Variants in FOCAD observed in about 807,000 individuals in gnomAD.
The protein encoded by FOCAD is focadhesin, also known as KIAA1797.
A neutral mutation model predicts 225.6 loss-of-function variants in FOCAD; 198 were observed. The ratio of observed to expected loss-of-function variants is 0.88; its 90% CI spans 0.78 to 0.99. FOCAD has a LOEUF of 0.99. FOCAD is among the 50% of genes least tolerant of loss of function. The probability of loss-of-function intolerance (pLI) is 0.00; values close to 1 mark genes in which losing one functional copy is unlikely to be tolerated. For missense variants in FOCAD, 2,713 were observed against 2,123.6 expected (o/e 1.28, Z -5.46); for synonymous variants, 897 against 755.0 (o/e 1.19, Z -3.08).
chr9:20,948,338 C>T lies in FOCAD; in HGVS notation c.3743C>T (p.Ala1248Val), dbSNP rs750684916. Residue 1248 changes from alanine (A) to valine (V), a missense_variant, in exon 31 of 44, where the codon GCT (alanine) becomes GTT (valine). Coordinates refer to ENST00000338382, the MANE Select transcript of FOCAD (RefSeq NM_001375567.1). Reference sequence around the variant, plus strand: ...TTGTCTGTGTGTGGACATGGAAAAGCTGAAGACTTGGGCAGCAAACTACTC... The same window carrying T: ...TTGTCTGTGTGTGGACATGGAAAAGTTGAAGACTTGGGCAGCAAACTACTC... ...HGLSVCGHGK[A>V]EDLGSKLLPA... 1 of 1,612,626 alleles carries T rather than the reference C, an allele frequency of 6.2e-7. No homozygotes were observed. The highest frequency in any genetic ancestry group is 1.1e-5 in the South Asian group (1 of 91,038).
At chr9:20,835,002 A>T (rs1484348171) in intron 15 of FOCAD, among the ~76,000 whole-genome samples, 1 of 152,126 alleles carries the variant, frequency 6.6e-6, no homozygotes, top group African/African-American at 2.4e-5. Context: ...TACTTTTCAG[A>T]TGTAGTTACT....
intron 2 of FOCAD, among the ~76,000 whole-genome samples, chr9:20,669,923 A>G (rs1431382713): frequency 6.6e-6 from 1 of 152,254 alleles, no homozygotes; most frequent in African/African-American, 2.4e-5. Context: ...ATACTCATGA[A>G]GCCCAGATTC....
In FOCAD at chr9:20,720,466, C is replaced by T. The variant is rs771913912; in HGVS notation, c.219C>T (p.Leu73=). ...CCTGCTGTGAAGGTCTGGTGGCACT[C>T]GTTGCTCAGGATCATGCAGAGTTCA... is the stretch of plus-strand genomic sequence containing the variant. ...RTACCEGLVA[L]VAQDHAEFSY... Residue 73 remains leucine, a synonymous_variant, in exon 4 of 44, where the codon CTC becomes CTT. Transcript: ENST00000338382. 17 of 1,613,906 alleles carry T rather than the reference C, an allele frequency of 1.1e-5. No homozygotes were observed. The highest frequency in any genetic ancestry group is 1.6e-4 in the Middle Eastern group (1 of 6,084).
At chr9:20,990,753 G>C (rs186575945) in intron 42 of FOCAD, among the ~76,000 whole-genome samples, 1 of 152,334 alleles carries the variant, frequency 6.6e-6, no homozygotes, top group East Asian at 1.9e-4. Flanking sequence ...TGATAAGTAA[G>C]ATACAGTGGT....
intron 21 of FOCAD, among the ~76,000 whole-genome samples, chr9:20,891,160 A>G (rs968728935): frequency 6.6e-6 from 1 of 152,198 alleles, no homozygotes; most frequent in Non-Finnish European, 1.5e-5. Context: ...CCCACATAGC[A>G]CCATGAACTT....
intron 15 of FOCAD, among the ~76,000 whole-genome samples, chr9:20,842,370 T>C (rs1404141535): frequency 6.6e-6 from 1 of 151,966 alleles, no homozygotes; most frequent in Admixed American, 6.6e-5. Context: ...TGTCTTGGGG[T>C]CTGTTTCTCA....
chr9:20,866,917 T>TTTTTTTAACAAAAA lies in FOCAD; in HGVS notation c.2107-12_2107-11insTTTTTTAACAAAAA. ...TTTTTTTTTTTTTTTTTTTTTTTTTTACCCTATCTAGGACCCAATTGTAGC... is the reference window on the plus strand; with the variant it reads ...TTTTTTTTTTTTTTTTTTTTTTTTTTTTTTTTAACAAAAAACCCTATCTAGGACCCAATTGTAGC... On this transcript the variant is annotated splice_polypyrimidine_tract_variant and intron_variant, in intron 17 of 43. Coordinates refer to ENST00000338382, the MANE Select transcript of FOCAD (RefSeq NM_001375567.1). 1.3e-6 allele frequency: 1 copy of TTTTTTTAACAAAAA among 764,972 alleles called. No homozygotes were observed. Among genetic ancestry groups the TTTTTTTAACAAAAA allele is most frequent in the Non-Finnish European group, 2.0e-6 (1 of 498,468 alleles). 47.4% of individuals were successfully genotyped at this position (764,972 alleles called of 1,614,324 possible).
chr9:20,813,990 C>G (rs1480318975), intron 11 of FOCAD, among the ~76,000 whole-genome samples: 2 of 152,090 alleles, frequency 1.3e-5, no homozygotes, highest in African/African-American at 4.8e-5. Flanking sequence ...TTCTTTCTCT[C>G]TTGTGACGAT....
intron 2 of FOCAD, among the ~76,000 whole-genome samples, chr9:20,676,200 C>T (rs904712907): frequency 2.0e-5 from 3 of 152,214 alleles, no homozygotes; most frequent in African/African-American, 7.2e-5. Flanking sequence ...TTGTGTGTTT[C>T]TGACCCAGAA....
At chr9:20,740,499 A>C (rs999247780) in intron 5 of FOCAD, among the ~76,000 whole-genome samples, 159 bp downstream of exon 5, 2 of 152,154 alleles carry the variant, frequency 1.3e-5, no homozygotes, top group African/African-American at 4.8e-5. Flanking sequence ...CGTTTCAAAG[A>C]CTCAGAGGAT....
chr9:20,892,675 C>G (rs973733665), intron 21 of FOCAD, among the ~76,000 whole-genome samples: 1 of 152,018 alleles, frequency 6.6e-6, no homozygotes, highest in African/African-American at 2.4e-5. Flanking sequence ...ATGCTGTGAA[C>G]ATGTTGAACT....
intron 1 of FOCAD, among the ~76,000 whole-genome samples, chr9:20,709,989 C>T (rs916696228): frequency 6.6e-6 from 1 of 152,140 alleles, no homozygotes; most frequent in African/African-American, 2.4e-5. Flanking sequence ...AAGCTATTAG[C>T]CTACCCAGCT....
At chr9:20,766,873 G>C (rs1830093334) in intron 7 of FOCAD, among the ~76,000 whole-genome samples, 1 of 151,626 alleles carries the variant, frequency 6.6e-6, no homozygotes, top group African/African-American at 2.4e-5. Flanking sequence ...TGTGCACATT[G>C]TGCAGGTTAG....
intron 6 of FOCAD, among the ~76,000 whole-genome samples, chr9:20,761,006 C>T (rs952721265): frequency 5.9e-5 from 9 of 151,262 alleles, no homozygotes; most frequent in Non-Finnish European, 8.8e-5. Flanking sequence ...AATATATCTT[C>T]ATGCTAGATT....
chr9:20,986,266 A>ATTGTTTTTTTTTTTTTTTTTTTTTTTT (rs1841142863), intron 39 of FOCAD, 22 bp from the exon 40 acceptor site: 1 of 606,560 alleles, frequency 1.6e-6, no homozygotes. Flanking sequence ...TAACTAAACA[A>ATTGTTTTTTTTTTTTTTTTTTTTTTTT]TTTTTTTTTT....
intron 15 of FOCAD, among the ~76,000 whole-genome samples, chr9:20,857,138 T>G (rs1828266867): frequency 6.6e-6 from 1 of 152,094 alleles, no homozygotes; most frequent in Admixed American, 6.6e-5. Flanking sequence ...GTAATTGTTA[T>G]TTTGATAGGG....
intron 42 of FOCAD, among the ~76,000 whole-genome samples, chr9:20,992,553 T>C (rs989301682): frequency 2.0e-5 from 3 of 152,118 alleles, no homozygotes; most frequent in African/African-American, 7.2e-5. Flanking sequence ...GGCTATACAT[T>C]GAGGGTGGAC....
chr9:20,942,557 C>T (rs1192159231), intron 28 of FOCAD, among the ~76,000 whole-genome samples: 1 of 152,176 alleles, frequency 6.6e-6, no homozygotes, highest in African/African-American at 2.4e-5. Flanking sequence ...ATAAAATTTG[C>T]CTACTACTAA....
intron 14 of FOCAD, 23 bp downstream of exon 14, chr9:20,821,094 G>A: frequency 6.2e-7 from 1 of 1,602,058 alleles, no homozygotes; most frequent in Non-Finnish European, 8.5e-7. Flanking sequence ...TAACTCTTAG[G>A]AATGTATATC....
Sources: gnomAD v4.1 joint callset for allele counts (sites outside exome capture counted in the v4.1 genomes callset) on GRCh38, gnomAD v4.1.1 for gene constraint, MANE v1.5 for transcripts, NCBI Gene and HGNC (gene_info 2026-07-23, HGNC 2026-07-21) for gene names.